Variants in PABPN1L observed in about 807,000 individuals in gnomAD.
PABPN1L encodes embryonic polyadenylate-binding protein 2.
In PABPN1L, 45 loss-of-function variants were observed where a neutral mutation model predicts 34.0. The observed-to-expected ratio is 1.32, with a 90% CI of 1.04 to 1.70. The LOEUF is 1.70. PABPN1L is among the 40% of genes most tolerant of loss of function. The pLI, the probability that PABPN1L is intolerant of heterozygous loss-of-function variation, is 0.00. For synonymous variants in PABPN1L, 182 were observed against 152.1 expected, an observed-to-expected ratio of 1.20 and a Z score of -1.45; for missense variants, 459 against 367.8, an observed-to-expected ratio of 1.25 and a Z score of -2.03.
chr16:88,864,815 T>C (rs1968547756), intron 5 of PABPN1L, 38 bp downstream of exon 5: 2 of 1,551,766 alleles, frequency 1.3e-6, no homozygotes, highest in Non-Finnish European at 1.8e-6. Context: ...CCAGCCCCTC[T>C]GCGCTCATGT....
exon 7 of PABPN1L, chr16:88,863,359 A>G (rs576729193): frequency 3.2e-4 from 94 of 297,348 alleles, no homozygotes; most frequent in Non-Finnish European, 5.8e-4. Context: ...GCCCAAGTTT[A>G]ATAATTTATG....
At chr16:88,866,502 C>T (rs1171532226) in exon 1 of PABPN1L, 3 of 1,551,190 alleles carry the variant, frequency 1.9e-6, no homozygotes, top group Non-Finnish European at 2.6e-6. Flanking sequence ...TCTCCTTGGT[C>T]TCGTTCCAGG....
chr16:88,864,526 C>A, intron 5 of PABPN1L, 147 bp from the exon 6 acceptor site: 1 of 1,220,528 alleles, frequency 8.2e-7, no homozygotes. Flanking sequence ...CTTTGCCTAC[C>A]ATAGCTGTCA....
chr16:88,868,942 G>A (rs1359683932), upstream of PABPN1L, among the ~76,000 whole-genome samples: 2 of 152,208 alleles, frequency 1.3e-5, no homozygotes, highest in Non-Finnish European at 2.9e-5. Context: ...TACCTGGGAA[G>A]ATAAGCTGCT....
At chr16:88,868,683 C>T (rs1177093183), upstream of PABPN1L, among the ~76,000 whole-genome samples, 2 of 151,696 alleles carry the variant, frequency 1.3e-5, no homozygotes, top group East Asian at 1.9e-4. Context: ...GAGGGGAACA[C>T]AGGAAGGAAA....
At position 88,864,390 on chromosome 16, in the gene PABPN1L, G is replaced by T. The variant is rs139345106; in HGVS notation, c.655-11C>A. The T allele has an allele frequency of 2.6e-6, 4 of 1,552,710 alleles. No homozygotes were observed. Among genetic ancestry groups the T allele is most frequent in the Non-Finnish European group, 2.6e-6 (3 of 1,147,902 alleles). ...TCTTTTCGGCAGCACCTGGAGCAAAGGCCTGTTTTGAGTCCTCCTCAAGGA... is the reference window on the plus strand; with the variant it reads ...TCTTTTCGGCAGCACCTGGAGCAAATGCCTGTTTTGAGTCCTCCTCAAGGA... On this transcript the variant is annotated splice_polypyrimidine_tract_variant and intron_variant, in intron 5 of 6. Coordinates refer to ENST00000419291, the Ensembl canonical transcript of PABPN1L.
At chr16:88,867,867 GC>G (rs1219097022), upstream of PABPN1L, among the ~76,000 whole-genome samples, 1 of 152,126 alleles carries the variant, frequency 6.6e-6, no homozygotes. Context: ...GTCATGCATG[GC>G]TCTTACCCCT....
upstream of PABPN1L, among the ~76,000 whole-genome samples, chr16:88,868,339 A>T (rs1968639926): frequency 6.6e-6 from 1 of 152,234 alleles, no homozygotes; most frequent in African/African-American, 2.4e-5. Flanking sequence ...ATGGTGGCTC[A>T]CGCCTATAAT....
intron 5 of PABPN1L, 75 bp from the exon 6 acceptor site, chr16:88,864,454 C>T (rs1968534548): frequency 1.4e-6 from 2 of 1,478,022 alleles, no homozygotes; most frequent in African/African-American, 1.4e-5. Flanking sequence ...CAGCCCCCAC[C>T]ACCCCGGAGC....
Position 88,864,812 on chromosome 16 carries a change from C to G in PABPN1L, c.654+41G>C, listed in dbSNP as rs770412438. Reference sequence around the variant, plus strand: ...TGTCCCAGGGCCAGTGGGCCAGCCCCTCTGCGCTCATGTTCCTGGACCTGG... The same window carrying G: ...TGTCCCAGGGCCAGTGGGCCAGCCCGTCTGCGCTCATGTTCCTGGACCTGG... On this transcript the variant is annotated intron_variant, in intron 5 of 6. Transcript: ENST00000419291. 29 of 1,546,590 alleles carry G rather than the reference C, an allele frequency of 1.9e-5. No individual in the cohort carries two copies. The Admixed American group carries it at 2.8e-4, about 15-fold the overall frequency.
chr16:88,864,875 A>C (rs774750038), exon 5 of PABPN1L: 1 of 1,602,910 alleles, frequency 6.2e-7, no homozygotes, highest in Admixed American at 1.7e-5. Flanking sequence ...GCCCCGGAAG[A>C]GGCTCTGGTC....
intron 5 of PABPN1L, 53 bp from the exon 6 acceptor site, chr16:88,864,432 TCACAGCCCC>T: frequency 6.6e-7 from 1 of 1,510,856 alleles, no homozygotes; most frequent in Non-Finnish European, 8.9e-7. Context: ...GAGACCCAGC[TCACAGCCCC>T]CGCAGCCCCC....
chr16:88,868,775 T>C (rs1419492742), upstream of PABPN1L, among the ~76,000 whole-genome samples: 4 of 152,116 alleles, frequency 2.6e-5, no homozygotes, highest in Non-Finnish European at 5.9e-5. Flanking sequence ...CATTTTGAAA[T>C]GTGGAAGGTG....
upstream of PABPN1L, among the ~76,000 whole-genome samples, chr16:88,868,040 C>T (rs1968636016): frequency 6.6e-6 from 1 of 152,200 alleles, no homozygotes; most frequent in African/African-American, 2.4e-5. Context: ...TAGGCTGGAG[C>T]TGCACTGCTG....
At position 88,865,006 on chromosome 16, in the gene PABPN1L, C is replaced by T. The variant is rs753230424; in HGVS notation, c.566+16G>A. ...CTGTCCGCATGGCCAGTGCCCCCAC[C>T]AGGCCCCACACTGACCCCTTGGGGT... is the stretch of plus-strand genomic sequence containing the variant. On this transcript the variant is annotated intron_variant, in intron 4 of 6. Coordinates refer to ENST00000419291, the Ensembl canonical transcript of PABPN1L. The T allele has an allele frequency of 1.9e-5, 30 of 1,599,062 alleles. 1 individual carries two copies. The highest frequency in any genetic ancestry group is 1.7e-4 in the African/African-American group (13 of 74,654).
upstream of PABPN1L, among the ~76,000 whole-genome samples, chr16:88,867,911 C>T (rs1968633889): frequency 6.6e-6 from 1 of 152,212 alleles, no homozygotes; most frequent in African/African-American, 2.4e-5. Context: ...GCCCCCTGCA[C>T]AGCTCCTACC....
rs747778822 is a variant in PABPN1L, at chr16:88,864,421, C to A, written c.655-42G>T. Reference sequence around the variant, plus strand: ...TTTTGAGTCCTCCTCAAGGAGCAGCCGAGACCCAGCTCACAGCCCCCGCAG... The same window carrying A: ...TTTTGAGTCCTCCTCAAGGAGCAGCAGAGACCCAGCTCACAGCCCCCGCAG... On this transcript the variant is annotated intron_variant, in intron 5 of 6. Transcript: ENST00000419291. 3 of 1,529,168 alleles carry A rather than the reference C, an allele frequency of 2.0e-6. No homozygotes were observed. In the Admixed American group the frequency reaches 6.1e-5, roughly 31 times the overall value. The allele number at this position is 1,529,168 out of a possible 1,614,324, so 94.7% of individuals were successfully genotyped here.
chr16:88,866,051 C>G, intron 1 of PABPN1L, 110 bp from the exon 2 acceptor site: 1 of 1,430,658 alleles, frequency 7.0e-7, no homozygotes, highest in Non-Finnish European at 9.2e-7. Flanking sequence ...AAGGGGCAGC[C>G]CTTCTCTGGA....
exon 7 of PABPN1L, chr16:88,863,484 C>G (rs909624468): frequency 1.8e-6 from 1 of 568,412 alleles, no homozygotes; most frequent in Non-Finnish European, 3.2e-6. Context: ...TCCCCTCCCT[C>G]AACACCCAGA....
Sources: allele counts gnomAD v4.1 joint callset (sites outside exome capture counted in the v4.1 genomes callset), GRCh38; gene constraint gnomAD v4.1.1; transcripts MANE v1.5; gene names NCBI Gene and HGNC (gene_info 2026-07-23, HGNC 2026-07-21).